The following STXBP4 variants were observed in gnomAD, a reference collection of about 807,000 sequenced individuals.
The protein encoded by STXBP4 is syntaxin-binding protein 4.
A neutral mutation model predicts 76.1 loss-of-function variants in STXBP4; 55 were observed. The observed-to-expected ratio is 0.72, with a 90% CI of 0.58 to 0.91. The LOEUF (loss-of-function observed/expected upper bound fraction) is 0.91, where lower values mean the gene tolerates loss of function less well. STXBP4 is among the 40% of genes least tolerant of loss of function. STXBP4 has a pLI of 0.00. For synonymous variants in STXBP4, 201 were observed against 220.2 expected (o/e 0.91, Z 0.77); for missense variants, 618 against 636.9 (o/e 0.97, Z 0.32).
At chr17:55,059,430 A>T (rs1258930536) in intron 12 of STXBP4, among the ~76,000 whole-genome samples, 1 of 152,192 alleles carries the variant, frequency 6.6e-6, no homozygotes, top group African/African-American at 2.4e-5. Flanking sequence ...AGTGAGTTAG[A>T]GTTCTACCAA....
the STXBP4 span, among the ~76,000 whole-genome samples, chr17:55,211,464 A>G: frequency 2.0e-5 from 3 of 152,158 alleles, no homozygotes; most frequent in African/African-American, 7.2e-5. Flanking sequence ...TTACTTCAGT[A>G]CTAGTTTTTG....
rs115604832 is a variant in STXBP4, at chr17:55,074,046, G to A, written c.1188+970G>A. Among the ~76,000 whole-genome samples, 1,075 of 152,126 alleles carry A rather than the reference G, an allele frequency of 7.1e-3. 16 individuals are homozygous for A. The highest frequency in any genetic ancestry group is 0.024 in the African/African-American group (1,011 of 41,496). On this transcript the variant is annotated intron_variant, in intron 13 of 17. Coordinates refer to ENST00000376352, the MANE Select transcript of STXBP4 (RefSeq NM_178509.6). ...CTTCACTGAATTAAGGTAGAAAATC[G>A]AGTAAATTGAAATAAATATTCATAC... is the stretch of plus-strand genomic sequence containing the variant.
chr17:55,057,058 A>G (rs1225876325), intron 12 of STXBP4, among the ~76,000 whole-genome samples: 2 of 152,204 alleles, frequency 1.3e-5, no homozygotes, highest in Admixed American at 6.5e-5. Flanking sequence ...CAATTTCACT[A>G]TAAACTCTTA....
At chr17:54,994,683 C>G (rs539621037) in intron 4 of STXBP4, among the ~76,000 whole-genome samples, 8 of 152,176 alleles carry the variant, frequency 5.3e-5, no homozygotes, top group Non-Finnish European at 1.0e-4. Flanking sequence ...ACCTACATAT[C>G]TTACTAATAT....
At chr17:55,137,129 A>G (rs1207256015) in intron 16 of STXBP4, among the ~76,000 whole-genome samples, 1 of 152,114 alleles carries the variant, frequency 6.6e-6, no homozygotes, top group Non-Finnish European at 1.5e-5. Context: ...CGGTTATTCA[A>G]CTTGCAATTG....
chr17:55,064,917 T>C (rs924719391), intron 12 of STXBP4, among the ~76,000 whole-genome samples: 5 of 152,234 alleles, frequency 3.3e-5, no homozygotes, highest in Non-Finnish European at 7.3e-5. Flanking sequence ...CCTAGATCCC[T>C]GTAATATCTT....
At chr17:55,007,640 C>T (rs370688358) in intron 8 of STXBP4, 43 bp downstream of exon 8, 1 of 1,474,344 alleles carries the variant, frequency 6.8e-7, no homozygotes, top group Middle Eastern at 1.7e-4. Context: ...AAGACAAAAA[C>T]AGGAAAGAAG....
intron 1 of STXBP4, among the ~76,000 whole-genome samples, chr17:54,984,707 G>T (rs1478892844): frequency 6.6e-6 from 1 of 152,056 alleles, no homozygotes; most frequent in Admixed American, 6.6e-5. Context: ...GAATTTTGTT[G>T]TGAATCAGTT....
chr17:55,091,408 C>A (rs191539619), intron 16 of STXBP4, among the ~76,000 whole-genome samples: 29 of 152,082 alleles, frequency 1.9e-4, no homozygotes, highest in African/African-American at 6.8e-4. Context: ...TTTATTACTG[C>A]ATTTCTTATA....
intron 4 of STXBP4, among the ~76,000 whole-genome samples, chr17:54,996,659 A>G (rs557078621): frequency 1.1e-3 from 163 of 152,310 alleles, no homozygotes; most frequent in Middle Eastern, 3.4e-3. Context: ...GGTTCATAAA[A>G]GCTGAACAAC....
rs1359900126 is a variant in STXBP4 at position 55,170,763 on chromosome 17, AT to A, written c.*10858del. 1 of 152,226 alleles carries A rather than the reference AT, an allele frequency of 6.6e-6. No individual in the cohort carries two copies. The highest frequency in any genetic ancestry group is 1.5e-5 in the Non-Finnish European group (1 of 68,048). The allele number at this position is 152,226 out of a possible 1,614,324, so 9.4% of individuals were successfully genotyped here. On this transcript the variant is annotated 3_prime_UTR_variant, in exon 18 of 18. Coordinates refer to ENST00000376352, the MANE Select transcript of STXBP4 (RefSeq NM_178509.6). ...TATTGTGGAAACAACAAAAAAATTCATTTTTTGAAATGAAAATCTTTATTGA... is the reference window on the plus strand; with the variant it reads ...TATTGTGGAAACAACAAAAAAATTCATTTTTGAAATGAAAATCTTTATTGA...
chr17:55,195,575 TA>T, the STXBP4 span, among the ~76,000 whole-genome samples: 1 of 152,130 alleles, frequency 6.6e-6, no homozygotes, highest in Non-Finnish European at 1.5e-5. Flanking sequence ...GCTTACTGAG[TA>T]GCAGGAACCA....
At chr17:55,173,909 C>T (rs538817670), downstream of STXBP4, among the ~76,000 whole-genome samples, 2 of 152,286 alleles carry the variant, frequency 1.3e-5, no homozygotes, top group African/African-American at 4.8e-5. Flanking sequence ...ATAGAACTTG[C>T]CTTTTGACCC....
At chr17:54,994,397 C>T (rs1214066433) in intron 4 of STXBP4, among the ~76,000 whole-genome samples, 1 of 152,216 alleles carries the variant, frequency 6.6e-6, no homozygotes, top group Non-Finnish European at 1.5e-5. Flanking sequence ...CTCAACTCTT[C>T]CCAAACAGAG....
intron 8 of STXBP4, among the ~76,000 whole-genome samples, chr17:55,029,747 C>T (rs2078474736): frequency 6.6e-6 from 1 of 151,972 alleles, no homozygotes; most frequent in Non-Finnish European, 1.5e-5. Flanking sequence ...TTAATATACC[C>T]TATACATACT....
the STXBP4 span, among the ~76,000 whole-genome samples, chr17:55,203,271 G>A: frequency 2.0e-5 from 3 of 152,064 alleles, no homozygotes; most frequent in East Asian, 1.9e-4. Flanking sequence ...CCCTATACTC[G>A]AATAGAATCT....
rs994754353 is a variant in STXBP4, at chr17:55,054,714, G to A, written c.1011+7560G>A. On this transcript the variant is annotated intron_variant, in intron 12 of 17. Transcript: ENST00000376352. ...TAGAGGTATTAAGATAATACACATAGATGATAATGTGTATAGCACATACCA... is the reference window on the plus strand; with the variant it reads ...TAGAGGTATTAAGATAATACACATAAATGATAATGTGTATAGCACATACCA... 5.9e-5 allele frequency among the ~76,000 whole-genome samples: 9 copies of A among 152,146 alleles called. No individual in the cohort carries two copies. The East Asian group carries it at 1.7e-3, about 29-fold the overall frequency.
At chr17:55,079,466 G>A (rs1037996019) in intron 15 of STXBP4, among the ~76,000 whole-genome samples, 2 of 151,880 alleles carry the variant, frequency 1.3e-5, no homozygotes, top group Non-Finnish European at 1.5e-5. Flanking sequence ...GAAACAGGAA[G>A]ACTCAATGAG....
At chr17:54,993,103 G>C (rs912003085) in intron 4 of STXBP4, among the ~76,000 whole-genome samples, 19 of 152,182 alleles carry the variant, frequency 1.2e-4, no homozygotes, top group African/African-American at 4.6e-4. Context: ...GATAGCGGTG[G>C]TGCTGAATGA....
Sources: gnomAD v4.1 joint callset for allele counts (sites outside exome capture counted in the v4.1 genomes callset) on GRCh38, gnomAD v4.1.1 for gene constraint, MANE v1.5 for transcripts, NCBI Gene and HGNC (gene_info 2026-07-23, HGNC 2026-07-21) for gene names.